The following ST6GALNAC3 variants were observed in gnomAD, a reference collection of about 807,000 sequenced individuals.
ST6GALNAC3 encodes ST6 N-acetylgalactosaminide alpha-2,6-sialyltransferase 3, also known as alpha-N-acetylgalactosaminide alpha-2,6-sialyltransferase 3.
ST6GALNAC3 carries 25 observed loss-of-function variants against 32.7 expected under a neutral mutation model. The ratio of observed to expected loss-of-function variants is 0.76; its 90% CI spans 0.56 to 1.07. ST6GALNAC3 has a LOEUF of 1.07. ST6GALNAC3 is among the 50% of genes least tolerant of loss of function. The pLI is 0.00. For synonymous variants in ST6GALNAC3, 129 were observed against 133.1 expected (o/e 0.97, Z 0.21); for missense variants, 355 against 382.4 (o/e 0.93, Z 0.60).
chr1:76,512,881 T>A (rs1661954775), intron 3 of ST6GALNAC3, among the ~76,000 whole-genome samples: 1 of 152,200 alleles, frequency 6.6e-6, no homozygotes, highest in African/African-American at 2.4e-5. Flanking sequence ...GTGGTTTTGA[T>A]TTGCATTTCC....
intron 1 of ST6GALNAC3, among the ~76,000 whole-genome samples, chr1:76,110,226 A>G (rs1647826595): frequency 6.6e-6 from 1 of 152,234 alleles, no homozygotes; most frequent in Admixed American, 6.5e-5. Flanking sequence ...AAGGAAAGAA[A>G]TAGGTCTTGG....
intron 3 of ST6GALNAC3, among the ~76,000 whole-genome samples, chr1:76,511,379 C>A (rs1661849862): frequency 1.3e-5 from 2 of 152,184 alleles, no homozygotes; most frequent in South Asian, 4.1e-4. Flanking sequence ...TCCTGGCAGG[C>A]AGCTGTGCTG....
intron 1 of ST6GALNAC3, among the ~76,000 whole-genome samples, chr1:76,163,220 A>T (rs1651921766): frequency 6.6e-6 from 1 of 152,210 alleles, no homozygotes; most frequent in Admixed American, 6.5e-5. Flanking sequence ...TATGATTTTA[A>T]AAGTTGTTCT....
chr1:76,360,171 T>A (rs1235416318), intron 2 of ST6GALNAC3, among the ~76,000 whole-genome samples: 3 of 152,136 alleles, frequency 2.0e-5, no homozygotes, highest in African/African-American at 7.2e-5. Flanking sequence ...CAACCATAGC[T>A]CCCAGGAATA....
chr1:76,218,299 A>G (rs1655583788), intron 1 of ST6GALNAC3, among the ~76,000 whole-genome samples: 1 of 152,264 alleles, frequency 6.6e-6, no homozygotes, highest in Non-Finnish European at 1.5e-5. Flanking sequence ...ACCTTCAGGC[A>G]GAGCAGTCCT....
At chr1:76,142,534 C>T (rs1227073016) in intron 1 of ST6GALNAC3, among the ~76,000 whole-genome samples, 2 of 152,164 alleles carry the variant, frequency 1.3e-5, no homozygotes, top group Non-Finnish European at 2.9e-5. Context: ...AGGACACTCT[C>T]AGGGTGAATG....
Position 76,126,739 on chromosome 1 carries a change from G to A in ST6GALNAC3, c.18+51855G>A, listed in dbSNP as rs960098644. Among the ~76,000 whole-genome samples the A allele has an allele frequency of 9.2e-5, 14 of 152,192 alleles. No homozygotes were observed. The East Asian group carries it at 1.6e-3, about 17-fold the overall frequency. On this transcript the variant is annotated intron_variant, in intron 1 of 4. Transcript: ENST00000328299. ...ATTCCCATGTTAGTAATATAGGCAC[G>A]ACCATTTCTGCCTTGCCATATTGTG...
At chr1:76,426,953 G>C (rs1479015552) in intron 3 of ST6GALNAC3, among the ~76,000 whole-genome samples, 1 of 151,970 alleles carries the variant, frequency 6.6e-6, no homozygotes, top group Non-Finnish European at 1.5e-5. Flanking sequence ...ATAACCAGGG[G>C]AACATTGAGG....
chr1:76,590,111 G>T (rs1380400722), intron 3 of ST6GALNAC3, among the ~76,000 whole-genome samples: 1 of 152,114 alleles, frequency 6.6e-6, no homozygotes, highest in East Asian at 1.9e-4. Flanking sequence ...GTACCCTTGA[G>T]GACCTCTATA....
chr1:76,153,841 A>G (rs934156898), intron 1 of ST6GALNAC3, among the ~76,000 whole-genome samples: 1 of 152,068 alleles, frequency 6.6e-6, no homozygotes, highest in African/African-American at 2.4e-5. Context: ...CTCTGTCTGA[A>G]ATGATGCTCT....
At chr1:76,225,553 A>C (rs933841084) in intron 1 of ST6GALNAC3, among the ~76,000 whole-genome samples, 2 of 152,138 alleles carry the variant, frequency 1.3e-5, no homozygotes, top group Non-Finnish European at 2.9e-5. Context: ...AGGCCACCAA[A>C]GGGAACGTTT....
intron 1 of ST6GALNAC3, among the ~76,000 whole-genome samples, chr1:76,158,728 G>A (rs1223674964): frequency 6.6e-6 from 1 of 152,152 alleles, no homozygotes; most frequent in Non-Finnish European, 1.5e-5. Flanking sequence ...CAGGGAATGA[G>A]GGAATTGTCA....
At chr1:76,250,044 TTA>T (rs1010629230) in intron 1 of ST6GALNAC3, among the ~76,000 whole-genome samples, 4 of 152,186 alleles carry the variant, frequency 2.6e-5, no homozygotes, top group African/African-American at 9.7e-5. Flanking sequence ...TTCTTCCATT[TTA>T]TGTTTGTCTT....
At chr1:76,272,019 A>C (rs1486718633) in intron 1 of ST6GALNAC3, among the ~76,000 whole-genome samples, 1 of 151,968 alleles carries the variant, frequency 6.6e-6, no homozygotes, top group Non-Finnish European at 1.5e-5. Context: ...AACAGGGTGC[A>C]TTGTCTTATT....
At chr1:76,138,511 C>T (rs181473454) in intron 1 of ST6GALNAC3, among the ~76,000 whole-genome samples, 2 of 152,122 alleles carry the variant, frequency 1.3e-5, no homozygotes, top group Non-Finnish European at 2.9e-5. Context: ...AGAACCTGAC[C>T]CATGGACCCT....
At chr1:76,279,143 A>T (rs544916484) in intron 1 of ST6GALNAC3, among the ~76,000 whole-genome samples, 22 of 152,256 alleles carry the variant, frequency 1.4e-4, no homozygotes, top group African/African-American at 4.8e-4. Context: ...CAGCACCAAC[A>T]TGCTTCCCCT....
chr1:76,082,271 A>T (rs1156832306), intron 1 of ST6GALNAC3, among the ~76,000 whole-genome samples: 2 of 152,188 alleles, frequency 1.3e-5, no homozygotes, highest in African/African-American at 4.8e-5. Context: ...TACAAGTGCT[A>T]CCTGGATCCC....
intron 3 of ST6GALNAC3, among the ~76,000 whole-genome samples, chr1:76,584,073 T>C (rs1432659456): frequency 1.3e-5 from 2 of 152,210 alleles, no homozygotes; most frequent in Non-Finnish European, 2.9e-5. Flanking sequence ...TTTCACTATT[T>C]CAGGAAATCC....
intron 3 of ST6GALNAC3, among the ~76,000 whole-genome samples, chr1:76,496,007 A>C (rs1660826122): frequency 6.6e-6 from 1 of 152,164 alleles, no homozygotes; most frequent in South Asian, 2.1e-4. Flanking sequence ...GAAACTTAGC[A>C]TGTTAGCCAC....
Sources: allele counts gnomAD v4.1 joint callset (sites outside exome capture counted in the v4.1 genomes callset), GRCh38; gene constraint gnomAD v4.1.1; transcripts MANE v1.5; gene names NCBI Gene and HGNC (gene_info 2026-07-23, HGNC 2026-07-21).